GBF1: variants seen among roughly 807,000 people sequenced by gnomAD.
GBF1 encodes Golgi-specific brefeldin A-resistance guanine nucleotide exchange factor 1.
Under a neutral mutation model 210.5 loss-of-function variants are expected in GBF1, and 114 were observed. The ratio of observed to expected loss-of-function variants is 0.54; its 90% CI spans 0.47 to 0.63. The LOEUF (loss-of-function observed/expected upper bound fraction) is 0.63, where lower values mean the gene tolerates loss of function less well. Among genes scored for constraint, GBF1 ranks in the 30% least tolerant of loss-of-function variants. GBF1 has a pLI of 0.00. For missense variants in GBF1, 1,851 were observed against 2,357.7 expected, an observed-to-expected ratio of 0.79 and a Z score of 4.45; for synonymous variants, 850 against 889.2, an observed-to-expected ratio of 0.96 and a Z score of 0.78.
rs572133921 is a variant in GBF1 at position 102,370,775 on chromosome 10, A to T, written c.3575A>T (p.Asp1192Val). The change falls in exon 29 of 40, where the codon GAT (aspartate) becomes GTT (valine). Residue 1192 changes from aspartate (D) to valine (V), a missense_variant. Physicochemically the swap from Asp to Val is radical, Grantham distance 152 (BLOSUM62 -3). Around this residue, in one of 3 missense-constraint regions of GBF1, gnomAD observed 967 missense variants for 1,247.7 expected, o/e 0.78. Coordinates refer to ENST00000369983, the MANE Select transcript of GBF1 (RefSeq NM_001377137.1). The part of the protein sequence containing the change: ...HLYHLCVQAQ[D>V]FCFLVERAVV... ...TACCACCTCTGTGTTCAGGCACAAG[A>T]TTTCTGCTTCCTTGTGGAGCGGGCA... 1 of 1,614,050 alleles carries T rather than the reference A, an allele frequency of 6.2e-7. No individual in the cohort carries two copies. The highest frequency in any genetic ancestry group is 1.1e-5 in the South Asian group (1 of 91,076).
At chr10:102,308,498 G>A (rs923094319) in intron 3 of GBF1, among the ~76,000 whole-genome samples, 3 of 152,144 alleles carry the variant, frequency 2.0e-5, no homozygotes, top group South Asian at 2.1e-4. Flanking sequence ...GTGATAGACC[G>A]GATTAAGAAA....
intron 3 of GBF1, among the ~76,000 whole-genome samples, chr10:102,330,065 C>CT (rs1340357746): frequency 6.6e-6 from 1 of 152,124 alleles, no homozygotes; most frequent in Non-Finnish European, 1.5e-5. Flanking sequence ...GAGCCTAGGA[C>CT]TTTGAGTTTG....
chr10:102,256,529 T>C (rs1014756155), intron 1 of GBF1, among the ~76,000 whole-genome samples: 17 of 118,938 alleles, frequency 1.4e-4, no homozygotes, highest in African/African-American at 5.4e-4. Flanking sequence ...AATTTTTTTT[T>C]TTTTGGGATG....
intron 3 of GBF1, among the ~76,000 whole-genome samples, chr10:102,338,436 G>T (rs1340241172): frequency 4.6e-5 from 7 of 151,370 alleles, no homozygotes; most frequent in Non-Finnish European, 7.4e-5. Context: ...TAGAGACATG[G>T]TTTCACTATG....
intron 14 of GBF1, among the ~76,000 whole-genome samples, 184 bp from the exon 15 acceptor site, chr10:102,362,291 T>C (rs1372804455): frequency 1.3e-5 from 2 of 151,706 alleles, no homozygotes; most frequent in Non-Finnish European, 2.9e-5. Context: ...CTCCTGACCT[T>C]GTGATCCACC....
In GBF1 at chr10:102,260,073, G is replaced by A; in HGVS notation, c.120G>A (p.Leu40=). 2 of 1,591,774 alleles carry A rather than the reference G, an allele frequency of 1.3e-6. No homozygotes were observed. Among genetic ancestry groups the A allele is most frequent in the Non-Finnish European group, 8.6e-7 (1 of 1,160,258 alleles). Residue 40 remains leucine (L), a synonymous_variant, in exon 3 of 40, where the codon CTG becomes CTA. Coordinates refer to ENST00000369983, the MANE Select transcript of GBF1 (RefSeq NM_001377137.1). The part of the protein sequence containing the change: ...TPLDEERDPL[L]HSFGHLKEVL... ...AGGATGAAGAACGGGATCCTCTGCT[G>A]CATAGTTTCGGTCATCTAAAGGAGG...
chr10:102,364,302 G>A (rs2059787655), intron 17 of GBF1, among the ~76,000 whole-genome samples: 1 of 128,566 alleles, frequency 7.8e-6, no homozygotes, highest in Non-Finnish European at 1.5e-5. Flanking sequence ...TCAGCTCACT[G>A]CAACCTCCAC....
chr10:102,297,636 A>G (rs1443103225), intron 3 of GBF1, among the ~76,000 whole-genome samples: 2 of 152,198 alleles, frequency 1.3e-5, no homozygotes, highest in Admixed American at 6.5e-5. Context: ...GTTTGTTTAT[A>G]TATTTTTCCA....
the GBF1 span, among the ~76,000 whole-genome samples, chr10:102,239,721 A>T: frequency 6.6e-6 from 1 of 152,246 alleles, no homozygotes; most frequent in Non-Finnish European, 1.5e-5. Context: ...CTCAGTCCCC[A>T]GCTGGGCTAT....
intron 4 of GBF1, among the ~76,000 whole-genome samples, chr10:102,345,760 A>G (rs1035815233): frequency 2.0e-5 from 3 of 151,262 alleles, no homozygotes; most frequent in Non-Finnish European, 2.9e-5. Flanking sequence ...AAAACTTGCT[A>G]TTTCCATCAG....
intron 3 of GBF1, among the ~76,000 whole-genome samples, chr10:102,315,343 C>T (rs1467978420): frequency 1.3e-5 from 2 of 152,192 alleles, no homozygotes; most frequent in Admixed American, 1.3e-4. Context: ...GTCAGTTAAG[C>T]TGCAGCATTA....
At chr10:102,274,804 C>A (rs957632844) in intron 3 of GBF1, among the ~76,000 whole-genome samples, 3 of 144,944 alleles carry the variant, frequency 2.1e-5, no homozygotes, top group African/African-American at 5.2e-5. Context: ...CTCTGCCTCC[C>A]GGGCTCAAGT....
At chr10:102,365,622 G>A in intron 18 of GBF1, 23 bp downstream of exon 18, 2 of 1,600,274 alleles carry the variant, frequency 1.2e-6, no homozygotes, top group South Asian at 1.1e-5. Context: ...TAAGAAATGT[G>A]GGATATAGCC....
intron 3 of GBF1, among the ~76,000 whole-genome samples, chr10:102,319,083 T>TA (rs1483685006): frequency 1.3e-5 from 2 of 152,122 alleles, no homozygotes; most frequent in African/African-American, 4.8e-5. Flanking sequence ...TTTGGGAGGC[T>TA]AAGGCAGATG....
At chr10:102,261,083 A>T (rs1031272311) in intron 3 of GBF1, among the ~76,000 whole-genome samples, 5 of 152,150 alleles carry the variant, frequency 3.3e-5, no homozygotes, top group Non-Finnish European at 7.3e-5. Context: ...AGCCCAGAGG[A>T]GTTTAAAGTG....
intron 33 of GBF1, among the ~76,000 whole-genome samples, chr10:102,378,090 C>T (rs891535792): frequency 3.4e-4 from 52 of 151,712 alleles, no homozygotes; most frequent in East Asian, 1.2e-3. Context: ...TGGTGGCAGG[C>T]GCCTGTAGTC....
In GBF1 at chr10:102,382,109, C is replaced by T. The variant is rs2060895771; in HGVS notation, c.5356C>T (p.Pro1786Ser). The stretch of plus-strand genomic sequence containing the variant: ...CGCCAGCAGCAGCTCCCCAGGATCA[C>T]CAGTGGCCTCAAGCCCCAGCAGGCT... ...RAASSSSPGS[P>S]VASSPSRLSP... The change falls in exon 40 of 40, where the codon CCA becomes TCA. Residue 1786 changes from proline (P) to serine (S), a missense_variant. Around this residue, in one of 3 missense-constraint regions of GBF1, gnomAD observed 967 missense variants for 1,247.7 expected, o/e 0.78. Coordinates refer to ENST00000369983, the MANE Select transcript of GBF1 (RefSeq NM_001377137.1). The T allele has an allele frequency of 1.3e-6, 2 of 1,598,262 alleles. No individual in the cohort carries two copies. The highest frequency in any genetic ancestry group is 1.7e-5 in the Admixed American group (1 of 58,054).
In GBF1 at chr10:102,376,781, G is replaced by A; in HGVS notation, c.4269G>A (p.Val1423=). The change falls in exon 32 of 40, where the codon GTG becomes GTA. Residue 1423 remains valine, a synonymous_variant. Coordinates refer to ENST00000369983, the MANE Select transcript of GBF1 (RefSeq NM_001377137.1). ...ELCVKTLRIF[V]EASLNGGCKS... ...GCGTCAAGACTCTCCGGATCTTTGT[G>A]GAGGCCAGTCTGAATGGCGGTGGGT... 6.2e-7 allele frequency: 1 copy of A among 1,609,020 alleles called. No individual in the cohort carries two copies. Among genetic ancestry groups the A allele is most frequent in the Non-Finnish European group, 8.5e-7 (1 of 1,179,950 alleles).
the GBF1 span, chr10:102,231,873 T>G: frequency 5.1e-6 from 8 of 1,569,308 alleles, no homozygotes; most frequent in African/African-American, 6.7e-5. Context: ...AGCCACTCGC[T>G]GGCTCCCACC....
Sources: gnomAD v4.1 joint callset for allele counts (sites outside exome capture counted in the v4.1 genomes callset) on GRCh38, gnomAD v4.1.1 for gene constraint, gnomAD v4.1.1 regional missense constraint, MANE v1.5 for transcripts, NCBI Gene and HGNC (gene_info 2026-07-23, HGNC 2026-07-21) for gene names.